The following RBFOX1 variants were observed in gnomAD, a reference collection of about 807,000 sequenced individuals.
RBFOX1 encodes the protein RNA binding fox-1 homolog 1, also known as RNA binding protein fox-1 homolog 1.
A neutral mutation model predicts 57.7 loss-of-function variants in RBFOX1; 8 were observed. The observed-to-expected ratio is 0.14, with a 90% CI of 0.08 to 0.25. The LOEUF is 0.25. RBFOX1 is among the 10% of genes least tolerant of loss of function. RBFOX1 has a pLI of 1.00. For missense variants in RBFOX1, 611 were observed against 548.5 expected (o/e 1.11, Z -1.14); for synonymous variants, 326 against 222.4 (o/e 1.47, Z -4.15).
intron 3 of RBFOX1, among the ~76,000 whole-genome samples, chr16:6,763,475 A>G (rs746012086): frequency 1.1e-4 from 17 of 152,212 alleles, no homozygotes; most frequent in Non-Finnish European, 2.4e-4. Flanking sequence ...TCACAAGCGT[A>G]ATGGCAGATG....
chr16:7,222,425 G>A (rs560138362), intron 4 of RBFOX1, among the ~76,000 whole-genome samples: 1 of 152,160 alleles, frequency 6.6e-6, no homozygotes, highest in Admixed American at 6.5e-5. Flanking sequence ...AACTGTTAGG[G>A]CATGTGGCAG....
At chr16:5,960,009 T>C (rs930022723) in intron 4 of RBFOX1, among the ~76,000 whole-genome samples, 1 of 152,078 alleles carries the variant, frequency 6.6e-6, no homozygotes, top group Non-Finnish European at 1.5e-5. Context: ...AAGACCAGCC[T>C]TGCCAACATG....
At chr16:5,881,802 G>A (rs754293986) in intron 4 of RBFOX1, among the ~76,000 whole-genome samples, 3 of 152,164 alleles carry the variant, frequency 2.0e-5, no homozygotes, top group Admixed American at 1.3e-4. Flanking sequence ...AGATTCTAGT[G>A]TTAAATGTAT....
At chr16:6,362,414 A>G (rs1006621323) in intron 2 of RBFOX1, among the ~76,000 whole-genome samples, 11 of 152,158 alleles carry the variant, frequency 7.2e-5, no homozygotes, top group Non-Finnish European at 1.2e-4. Context: ...GAATGTACAT[A>G]AATAATACAT....
intron 3 of RBFOX1, among the ~76,000 whole-genome samples, chr16:6,952,590 A>G (rs543844564): frequency 6.6e-6 from 1 of 152,048 alleles, no homozygotes; most frequent in Admixed American, 6.5e-5. Context: ...GTGAGCCATG[A>G]TCATGCCACT....
chr16:7,696,116 A>G (rs74011845), intron 14 of RBFOX1, among the ~76,000 whole-genome samples: 13,684 of 152,230 alleles, frequency 0.09, 725 homozygotes, highest in African/African-American at 0.15. Flanking sequence ...GCCACATGGA[A>G]TAGGCATTTT....
chr16:7,351,029 G>C (rs893635238), intron 4 of RBFOX1, among the ~76,000 whole-genome samples: 13 of 152,218 alleles, frequency 8.5e-5, no homozygotes, highest in African/African-American at 3.1e-4. Flanking sequence ...TGTGCCCATG[G>C]ACTAGGTTTT....
At chr16:7,144,421 T>C (rs913219555) in intron 4 of RBFOX1, among the ~76,000 whole-genome samples, 8 of 137,118 alleles carry the variant, frequency 5.8e-5, no homozygotes, top group South Asian at 5.0e-4. Context: ...TTTCTTCTTT[T>C]TTTTTTTTTT....
At chr16:5,293,164 T>A (rs1301468714) in intron 1 of RBFOX1, among the ~76,000 whole-genome samples, 3 of 151,772 alleles carry the variant, frequency 2.0e-5, no homozygotes, top group Non-Finnish European at 4.4e-5. Flanking sequence ...CTACTAAAAA[T>A]ACAAAAATTA....
chr16:6,478,415 ATATATATATATATATTT>A (rs1439468491), intron 2 of RBFOX1, among the ~76,000 whole-genome samples: 1,625 of 22,164 alleles, frequency 0.073, 94 homozygotes, highest in East Asian at 0.38. Flanking sequence ...ATATATATAT[ATATATATATATATATTT>A]TTTTTTTTTT....
At chr16:6,852,105 C>T (rs2094104224) in intron 3 of RBFOX1, among the ~76,000 whole-genome samples, 1 of 151,894 alleles carries the variant, frequency 6.6e-6, no homozygotes, top group Non-Finnish European at 1.5e-5. Context: ...GATGTGGTGG[C>T]TTAAAATGAT....
intron 1 of RBFOX1, among the ~76,000 whole-genome samples, chr16:5,457,735 G>T (rs2151586228): frequency 6.6e-6 from 1 of 152,288 alleles, no homozygotes; most frequent in South Asian, 2.1e-4. Context: ...GCCCTGCTGG[G>T]GCCCAGTGTG....
chr16:5,892,800 G>A (rs1016333928), intron 4 of RBFOX1, among the ~76,000 whole-genome samples: 2 of 152,196 alleles, frequency 1.3e-5, no homozygotes, highest in South Asian at 4.1e-4. Flanking sequence ...TAGTAAGAGA[G>A]CATGGCCAAG....
At chr16:5,852,143 C>T (rs941524555) in intron 3 of RBFOX1, among the ~76,000 whole-genome samples, 1 of 152,024 alleles carries the variant, frequency 6.6e-6, no homozygotes, top group African/African-American at 2.4e-5. Context: ...GTTTTTCCCC[C>T]TCTTATTATT....
At chr16:6,525,245 C>T (rs1042219094) in intron 2 of RBFOX1, among the ~76,000 whole-genome samples, 2 of 152,176 alleles carry the variant, frequency 1.3e-5, no homozygotes, top group Non-Finnish European at 2.9e-5. Context: ...CACTGAGGAG[C>T]AAAGTGGCAC....
At chr16:5,645,085 A>G (rs1373424360) in intron 3 of RBFOX1, among the ~76,000 whole-genome samples, 1 of 149,760 alleles carries the variant, frequency 6.7e-6, no homozygotes, top group Non-Finnish European at 1.5e-5. Flanking sequence ...AAAATACAAA[A>G]AAAAAAAAAA....
At chr16:6,444,910 C>T (rs971067024) in intron 2 of RBFOX1, among the ~76,000 whole-genome samples, 25 of 152,018 alleles carry the variant, frequency 1.6e-4, no homozygotes, top group Admixed American at 7.2e-4. Context: ...GCCAGGTTTT[C>T]GTTTTCTATG....
Position 7,577,830 on chromosome 16 carries a change from G to A in RBFOX1, c.271-1947G>A, listed in dbSNP as rs573098617. ...GGCAAGATTGAGCCCAGGATTTCAA[G>A]GCTTCAGTGAGCCGTGATTGTGCCA... is the stretch of plus-strand genomic sequence containing the variant. On this transcript the variant is annotated intron_variant, in intron 5 of 15. Transcript: ENST00000550418. Among the ~76,000 whole-genome samples the A allele has an allele frequency of 2.6e-5, 4 of 152,322 alleles. No homozygotes were observed. The East Asian group carries it at 7.7e-4, about 29-fold the overall frequency.
At chr16:6,073,225 T>C (rs540692615) in intron 1 of RBFOX1, among the ~76,000 whole-genome samples, 5 of 152,334 alleles carry the variant, frequency 3.3e-5, no homozygotes, top group African/African-American at 1.2e-4. Flanking sequence ...AGGGCTGAGA[T>C]GAACTACTCA....
Sources: gnomAD v4.1 joint callset for allele counts (sites outside exome capture counted in the v4.1 genomes callset) on GRCh38, gnomAD v4.1.1 for gene constraint, MANE v1.5 for transcripts, NCBI Gene and HGNC (gene_info 2026-07-23, HGNC 2026-07-21) for gene names.